Variants in NDRG2 observed in about 807,000 individuals in gnomAD.
The protein encoded by NDRG2 is NDRG family member 2.
NDRG2 carries 34 observed loss-of-function variants against 58.2 expected under a neutral mutation model. That is an observed-to-expected ratio of 0.58 (90% CI 0.44 to 0.78). The LOEUF is 0.78. Ranked by LOEUF, NDRG2 falls within the 30% of genes least tolerant of loss-of-function variation. NDRG2 has a pLI of 0.00. For missense variants in NDRG2, 434 were observed against 471.2 expected (o/e 0.92, Z 0.73); for synonymous variants, 187 against 175.9 (o/e 1.06, Z -0.50).
In NDRG2 at chr14:21,057,635, A is replaced by ATATATATG. The variant is rs970286695; in HGVS notation, c.24+13192_24+13193insCATATATA. Among the ~76,000 whole-genome samples the ATATATATG allele has an allele frequency of 2.0e-5, 3 of 147,884 alleles. No homozygotes were observed. The East Asian group carries it at 5.9e-4, about 29-fold the overall frequency. Reference sequence around the variant, plus strand: ...ATTTTATTCATATATATATATATATATGTGAGAAGGTAATCATACCCATAA... The same window carrying ATATATATG: ...ATTTTATTCATATATATATATATATATATATATGTGTGAGAAGGTAATCATACCCATAA... On this transcript the variant is annotated intron_variant, in intron 1 of 14. Coordinates refer to the NDRG2 transcript ENST00000403829.
At position 21,017,382 on chromosome 14, in the gene NDRG2, G is replaced by A; in HGVS notation, c.*214C>T. On this transcript the variant is annotated 3_prime_UTR_variant, in exon 16 of 16. Coordinates refer to ENST00000556147, the MANE Select transcript of NDRG2 (RefSeq NM_001320329.2). ...GGAGGAGGAGAATTTAGGGGTCTGG[G>A]TCCCTAAGAGATATTAGGACATCTC... 1.6e-6 allele frequency: 1 copy of A among 614,074 alleles called. No homozygotes were observed. Among genetic ancestry groups the A allele is most frequent in the South Asian group, 2.0e-5 (1 of 49,690 alleles). 38.0% of individuals were successfully genotyped at this position (614,074 alleles called of 1,614,324 possible).
In NDRG2 at chr14:21,070,468, C is replaced by T; in HGVS notation, c.24+360G>A. 19 of 1,354,992 alleles carry T rather than the reference C, an allele frequency of 1.4e-5. No individual in the cohort carries two copies. The highest frequency in any genetic ancestry group is 1.7e-5 in the Non-Finnish European group (18 of 1,059,038). 83.9% of individuals were successfully genotyped at this position (1,354,992 alleles called of 1,614,324 possible). A position where few individuals can be genotyped will look rare whatever the true frequency, so the allele number is the denominator to read the frequency against. ...GCAGCCCGCTCCGGGCCCCCAAGTC[C>T]TCAGCCTGGTGCCTCCCGAGCCTGC... On this transcript the variant is annotated intron_variant, in intron 1 of 14. Coordinates refer to the NDRG2 transcript ENST00000403829. This position sits in a 1 kb window ranked among gnomAD's most constrained non-coding sequence, Gnocchi z 4.7.
chr14:21,040,188 C>T (rs919143373), intron 1 of NDRG2, among the ~76,000 whole-genome samples: 2 of 152,184 alleles, frequency 1.3e-5, no homozygotes, highest in Admixed American at 6.5e-5. Flanking sequence ...AAGAAGTGAA[C>T]AGCTGCTCCC....
At chr14:21,046,327 C>T (rs1885142531) in intron 1 of NDRG2, among the ~76,000 whole-genome samples, 1 of 152,104 alleles carries the variant, frequency 6.6e-6, no homozygotes. Context: ...GAGTTTGAGA[C>T]CAGTCTGGGC....
At chr14:21,025,601 C>T, upstream of NDRG2, 1 of 985,570 alleles carries the variant, frequency 1.0e-6, no homozygotes, top group Non-Finnish European at 1.2e-6. This position sits in a 1 kb window ranked among gnomAD's most constrained non-coding sequence, Gnocchi z 5.1. Flanking sequence ...GGCAGGTGTG[C>T]TGGCGCCGAA....
rs1241999289 is a variant in NDRG2, at chr14:21,021,893, G to T, written c.345-14C>A. 4 of 1,612,314 alleles carry T rather than the reference G, an allele frequency of 2.5e-6. No individual in the cohort carries two copies. The Admixed American group carries it at 5.0e-5, about 20-fold the overall frequency. Reference sequence around the variant, plus strand: ...GGGTACTGATATCTGGAAAAGAGAGGCATGTTAAGGAAGATACCAACCTGC... The same window carrying T: ...GGGTACTGATATCTGGAAAAGAGAGTCATGTTAAGGAAGATACCAACCTGC... On this transcript the variant is annotated splice_polypyrimidine_tract_variant and intron_variant, in intron 5 of 15. Transcript: ENST00000556147.
intron 1 of NDRG2, chr14:21,035,977 C>G: frequency 2.6e-6 from 1 of 386,312 alleles, no homozygotes; most frequent in Non-Finnish European, 5.1e-6. Context: ...GTTTACGAAA[C>G]CACTGAAAGC....
chr14:21,032,976 C>T lies in NDRG2; in HGVS notation c.25-9655G>A, dbSNP rs185545100. The T allele has an allele frequency of 3.6e-4, 164 of 456,084 alleles. 2 individuals carry two copies. In the Admixed American group the frequency reaches 3.8e-3, roughly 10 times the overall value. The allele number at this position is 456,084 out of a possible 1,614,324, so 28.3% of individuals were successfully genotyped here. A position where few individuals can be genotyped will look rare whatever the true frequency, so the allele number is the denominator to read the frequency against. ...TTAGAAATTTATGTTCGATTAGAGCCGGGCCTGCCTCATTCGCTGCCTGGT... is the reference window on the plus strand; with the variant it reads ...TTAGAAATTTATGTTCGATTAGAGCTGGGCCTGCCTCATTCGCTGCCTGGT... On this transcript the variant is annotated intron_variant, in intron 1 of 14. Transcript: ENST00000403829.
At chr14:21,019,592 A>T in intron 10 of NDRG2, 47 bp downstream of exon 10, 2 of 1,305,130 alleles carry the variant, frequency 1.5e-6, no homozygotes, top group Non-Finnish European at 2.2e-6. Flanking sequence ...ACGCCCAATT[A>T]CTGCTTCTGC....
intron 1 of NDRG2, chr14:21,058,170 G>A (rs898640707): frequency 2.7e-5 from 44 of 1,614,020 alleles, no homozygotes; most frequent in Non-Finnish European, 3.6e-5. Flanking sequence ...AAGAATAGCT[G>A]TAAAAACTGC....
chr14:21,042,547 A>G lies in NDRG2; in HGVS notation c.25-19226T>C, dbSNP rs183167768. 9.8e-4 allele frequency: 179 copies of G among 182,270 alleles called. 1 individual carries two copies. The highest frequency in any genetic ancestry group is 2.7e-3 in the Admixed American group (50 of 18,780). The allele number at this position is 182,270 out of a possible 1,614,324, so 11.3% of individuals were successfully genotyped here. A position where few individuals can be genotyped will look rare whatever the true frequency, so the allele number is the denominator to read the frequency against. Reference sequence around the variant, plus strand: ...GAGCGATAAAATGGATAAAGGAGGGACTGGATTTAGGGGAGATGAGGACAC... The same window carrying G: ...GAGCGATAAAATGGATAAAGGAGGGGCTGGATTTAGGGGAGATGAGGACAC... On this transcript the variant is annotated intron_variant, in intron 1 of 14. Coordinates refer to the NDRG2 transcript ENST00000403829.
rs950644581 is a variant in NDRG2, at chr14:21,070,320, G to C, written c.24+508C>G. On this transcript the variant is annotated intron_variant, in intron 1 of 14. Transcript: ENST00000403829. The surrounding 1 kb of genome is among the most constrained non-coding windows in gnomAD (Gnocchi z 4.7). ...CCCTTAGCCAGACCCGGCGAGACAC[G>C]AGCGGCGGGAGGGAGGCGGTGGCGC... 2.9e-6 allele frequency: 4 copies of C among 1,384,548 alleles called. No homozygotes were observed. In the East Asian group the frequency reaches 1.3e-4, roughly 44 times the overall value. 85.8% of individuals were successfully genotyped at this position (1,384,548 alleles called of 1,614,324 possible). A position where few individuals can be genotyped will look rare whatever the true frequency, so the allele number is the denominator to read the frequency against.
intron 1 of NDRG2, among the ~76,000 whole-genome samples, chr14:21,055,391 G>A (rs990202238): frequency 2.0e-5 from 3 of 152,124 alleles, no homozygotes; most frequent in South Asian, 2.1e-4. Flanking sequence ...TCCTGTATTG[G>A]AGCCAATATA....
At chr14:21,023,444 T>C (rs1881955873) in intron 1 of NDRG2, 123 bp from the exon 2 acceptor site, 2 of 824,764 alleles carry the variant, frequency 2.4e-6, no homozygotes, top group African/African-American at 1.7e-5. Context: ...GGTTGAAGAC[T>C]ACTCTAGAAC....
chr14:21,047,166 G>A (rs1885216190), intron 1 of NDRG2, among the ~76,000 whole-genome samples: 1 of 151,888 alleles, frequency 6.6e-6, no homozygotes, highest in African/African-American at 2.4e-5. Context: ...TCATATATAA[G>A]CTTTCACAAC....
At chr14:21,051,532 A>C (rs942701973) in intron 1 of NDRG2, among the ~76,000 whole-genome samples, 2 of 152,160 alleles carry the variant, frequency 1.3e-5, no homozygotes, top group African/African-American at 4.8e-5. Context: ...CCTCTCCCTC[A>C]TGAAGATGAA....
rs1046324803 is a variant in NDRG2 at position 21,020,058 on chromosome 14, G to A, written c.556-82C>T. 3.1e-6 allele frequency: 4 copies of A among 1,292,294 alleles called. No individual in the cohort carries two copies. The African/African-American group carries it at 5.8e-5, about 19-fold the overall frequency. 80.1% of individuals were successfully genotyped at this position (1,292,294 alleles called of 1,614,324 possible). A position where few individuals can be genotyped will look rare whatever the true frequency, so the allele number is the denominator to read the frequency against. On this transcript the variant is annotated intron_variant, in intron 8 of 15. Coordinates refer to ENST00000556147, the MANE Select transcript of NDRG2 (RefSeq NM_001320329.2). ...CGTCTGTAATCCCAGCACTTTGGGAGGCCGAGGCGGGTGGATCACGAGGTC... is the reference window on the plus strand; with the variant it reads ...CGTCTGTAATCCCAGCACTTTGGGAAGCCGAGGCGGGTGGATCACGAGGTC...
chr14:21,066,357 G>C (rs1243110061), intron 1 of NDRG2, among the ~76,000 whole-genome samples: 3 of 143,738 alleles, frequency 2.1e-5, no homozygotes, highest in African/African-American at 7.8e-5. Flanking sequence ...GTCTCACTTT[G>C]TCGCCAGGCT....
chr14:21,043,316 G>T (rs1300628709), intron 1 of NDRG2: 3 of 1,614,190 alleles, frequency 1.9e-6, no homozygotes, highest in Non-Finnish European at 2.5e-6. Context: ...CCCTGACCAT[G>T]TGTAAGCTCA....
Sources: allele counts gnomAD v4.1 joint callset (sites outside exome capture counted in the v4.1 genomes callset), GRCh38; gene constraint gnomAD v4.1.1; non-coding constraint Gnocchi (gnomAD v3.1); transcripts MANE v1.5; gene names NCBI Gene and HGNC (gene_info 2026-07-23, HGNC 2026-07-21).